DICER1: variants seen among roughly 807,000 people sequenced by gnomAD.
The protein encoded by DICER1 is endoribonuclease Dicer.
A neutral mutation model predicts 194.1 loss-of-function variants in DICER1; 43 were observed. The observed-to-expected ratio is 0.22, with a 90% confidence interval of 0.17 to 0.29. The LOEUF is 0.29. Ranked by LOEUF, DICER1 falls within the 10% of genes least tolerant of loss-of-function variation. The pLI is 1.00. For missense variants in DICER1, 1,608 were observed against 2,317.0 expected (o/e 0.69, Z 6.28); for synonymous variants, 832 against 820.5 (o/e 1.01, Z -0.24).
At chr14:95,140,379 C>A (rs1428232023) in intron 1 of DICER1, among the ~76,000 whole-genome samples, 1 of 152,130 alleles carries the variant, frequency 6.6e-6, no homozygotes, top group African/African-American at 2.4e-5. Context: ...CACTGTGTCA[C>A]AACGGCCTAC....
intron 8 of DICER1, among the ~76,000 whole-genome samples, chr14:95,118,925 A>G (rs1892720258): frequency 6.6e-6 from 1 of 152,216 alleles, no homozygotes; most frequent in African/African-American, 2.4e-5. Context: ...TCTACAAACT[A>G]CAGCTTGTAG....
chr14:95,129,802 T>A (rs536590325), intron 5 of DICER1, among the ~76,000 whole-genome samples, 170 bp from the exon 6 acceptor site: 1 of 152,226 alleles, frequency 6.6e-6, no homozygotes, highest in East Asian at 1.9e-4. Context: ...ATAGAATTAC[T>A]GTAGTTTGTT....
At chr14:95,135,822 T>G (rs978422049) in intron 1 of DICER1, among the ~76,000 whole-genome samples, 21 of 152,204 alleles carry the variant, frequency 1.4e-4, no homozygotes, top group Admixed American at 9.8e-4. Flanking sequence ...GATGGACACT[T>G]AGATTGTTTC....
intron 14 of DICER1, among the ~76,000 whole-genome samples, chr14:95,110,439 G>C (rs1163427590): frequency 6.6e-6 from 1 of 152,204 alleles, no homozygotes; most frequent in Non-Finnish European, 1.5e-5. Flanking sequence ...CACAGTTTTG[G>C]GATGTAGTAG....
At chr14:95,109,996 T>C (rs1891811153) in intron 14 of DICER1, among the ~76,000 whole-genome samples, 1 of 152,202 alleles carries the variant, frequency 6.6e-6, no homozygotes, top group South Asian at 2.1e-4. Flanking sequence ...AAGCATAATA[T>C]ATGCTGTAAG....
In DICER1 at chr14:95,093,935, C is replaced by A. The variant is rs2139811466; in HGVS notation, c.5317G>T (p.Val1773Leu). ...PELFHVIDDF[V>L]QFQLEKNEMQ... ...TCATTCTTCTCAAGCTGAAACTGCA[C>A]AAAGTCATCAATGACATGGAAGAGC... Residue 1773 changes from valine (V) to leucine (L), a missense_variant, in exon 24 of 27, where the codon GTG (valine) becomes TTG (leucine). By Grantham distance (32) the Val-to-Leu change is conservative. Around this residue, in one of 10 missense-constraint regions of DICER1, gnomAD observed 138 missense variants for 298.3 expected, o/e 0.46. Transcript: ENST00000343455. 6.2e-7 allele frequency: 1 copy of A among 1,614,166 alleles called. No homozygotes were observed. The highest frequency in any genetic ancestry group is 1.3e-5 in the African/African-American group (1 of 75,042).
chr14:95,123,639 CA>C (rs1846128381), intron 8 of DICER1, among the ~76,000 whole-genome samples: 1 of 152,146 alleles, frequency 6.6e-6, no homozygotes, highest in South Asian at 2.1e-4. Context: ...CTTGTGAACT[CA>C]AACAATCTAC....
chr14:95,093,855 A>G (rs765057948), intron 24 of DICER1, 33 bp downstream of exon 24: 2 of 1,612,848 alleles, frequency 1.2e-6, no homozygotes, highest in East Asian at 4.5e-5. Context: ...TAGTTAGACC[A>G]CTTTTTTCAA....
chr14:95,148,399 T>C (rs1294768806), intron 1 of DICER1, among the ~76,000 whole-genome samples: 2 of 152,112 alleles, frequency 1.3e-5, no homozygotes, highest in African/African-American at 4.8e-5. Context: ...ACACATCACT[T>C]TGGAGATTCT....
At chr14:95,108,861 G>A (rs1891698918) in intron 14 of DICER1, among the ~76,000 whole-genome samples, 2 of 152,072 alleles carry the variant, frequency 1.3e-5, no homozygotes, top group Non-Finnish European at 2.9e-5. Context: ...GGCTTTTTAT[G>A]TATTAACTGT....
chr14:95,116,052 TACACAGACACACACACACACACAC>T (rs1595408427), intron 10 of DICER1, among the ~76,000 whole-genome samples: 1 of 143,094 alleles, frequency 7.0e-6, no homozygotes, highest in East Asian at 2.0e-4. Flanking sequence ...GTACCGTGCC[TACACAGACACACACACACACACAC>T]ACACACACAC....
intron 11 of DICER1, among the ~76,000 whole-genome samples, chr14:95,113,740 C>A (rs1239966320): frequency 6.6e-6 from 1 of 152,186 alleles, no homozygotes; most frequent in Non-Finnish European, 1.5e-5. Context: ...AGCAACAGCA[C>A]CAGGGAAGGT....
intron 1 of DICER1, among the ~76,000 whole-genome samples, chr14:95,145,897 A>C (rs58714052): frequency 0.012 from 1,874 of 152,312 alleles, 48 homozygotes; most frequent in African/African-American, 0.042. Context: ...ACACACAAAA[A>C]AAACTTCATA....
In DICER1 at chr14:95,096,037, C is replaced by A. The variant is rs1392384194; in HGVS notation, c.4883G>T (p.Ser1628Ile). The stretch of plus-strand genomic sequence containing the variant: ...GTCTTTCAATACAGAAGAGCGTGAA[C>A]TGGCCACAGAAGCAGCAGCACAGCT... Reference protein sequence around the residue: ...SVSCAAASVASSRSSVLKDSE... With the variant: ...SVSCAAASVAISRSSVLKDSE... Residue 1628 changes from serine to isoleucine, a missense_variant, in exon 23 of 27, where the codon AGT becomes ATT. Ser to Ile is a moderately radical substitution (Grantham distance 142). Transcript: ENST00000343455. The A allele has an allele frequency of 1.2e-6, 2 of 1,614,192 alleles. No homozygotes were observed. Among genetic ancestry groups the A allele is most frequent in the South Asian group, 2.2e-5 (2 of 91,086 alleles).
intron 1 of DICER1, among the ~76,000 whole-genome samples, chr14:95,148,548 A>C (rs1895293795): frequency 6.6e-6 from 1 of 152,196 alleles, no homozygotes; most frequent in African/African-American, 2.4e-5. Context: ...GAACCAAATA[A>C]ATTTCTGGGT....
At chr14:95,108,565 C>G in intron 14 of DICER1, 62 bp from the exon 15 acceptor site, 1 of 1,465,008 alleles carries the variant, frequency 6.8e-7, no homozygotes. Flanking sequence ...TTCCAGATGT[C>G]AGCAAGAAAA....
At position 95,100,571 on chromosome 14, in the gene DICER1, C is replaced by A. The variant is rs185069150; in HGVS notation, c.4051-636G>T. Among the ~76,000 whole-genome samples the A allele has an allele frequency of 1.9e-3, 286 of 152,322 alleles. 3 individuals carry two copies. Among genetic ancestry groups the A allele is most frequent in the Middle Eastern group, 3.4e-3 (1 of 294 alleles). ...TTTCTGTTTATTCACATTAATGGAA[C>A]AGCTTTACTATCTTACCCTCTACTC... On this transcript the variant is annotated intron_variant, in intron 21 of 26. Coordinates refer to ENST00000343455, the MANE Select transcript of DICER1 (RefSeq NM_177438.3).
intron 14 of DICER1, among the ~76,000 whole-genome samples, chr14:95,109,227 T>C (rs1020665872): frequency 4.6e-5 from 7 of 152,234 alleles, no homozygotes; most frequent in African/African-American, 1.4e-4. Context: ...AGGCTTTCAA[T>C]ATTAACACAA....
chr14:95,102,457 T>C (rs1446011870), intron 21 of DICER1, among the ~76,000 whole-genome samples: 1 of 152,198 alleles, frequency 6.6e-6, no homozygotes, highest in African/African-American at 2.4e-5. Flanking sequence ...CCAGCTGCCT[T>C]TTCAAGCCTT....
Sources: allele counts gnomAD v4.1 joint callset (sites outside exome capture counted in the v4.1 genomes callset), GRCh38; gene constraint gnomAD v4.1.1; regional missense constraint gnomAD v4.1.1; transcripts MANE v1.5; gene names NCBI Gene and HGNC (gene_info 2026-07-23, HGNC 2026-07-21).